The following SEMA5B variants were observed in gnomAD, a reference collection of about 807,000 sequenced individuals.
SEMA5B encodes the protein semaphorin-5B.
In SEMA5B, 66 loss-of-function variants were observed where a neutral mutation model predicts 135.0. The observed-to-expected ratio is 0.49, with a 90% CI of 0.40 to 0.60. The LOEUF (loss-of-function observed/expected upper bound fraction) is 0.60, where lower values mean the gene tolerates loss of function less well. Among genes scored for constraint, SEMA5B ranks in the 20% least tolerant of loss-of-function variants. The probability of loss-of-function intolerance (pLI) is 0.00; values close to 1 mark genes in which losing one functional copy is unlikely to be tolerated. For missense variants in SEMA5B, 1,501 were observed against 1,566.3 expected, an observed-to-expected ratio of 0.96 and a Z score of 0.70; for synonymous variants, 690 against 639.5, an observed-to-expected ratio of 1.08 and a Z score of -1.19.
chr3:122,910,536 G>A (rs998017965), intron 22 of SEMA5B, among the ~76,000 whole-genome samples: 3 of 152,108 alleles, frequency 2.0e-5, no homozygotes, highest in Non-Finnish European at 2.9e-5. Flanking sequence ...CCGGCCGGGC[G>A]CGGTGGCTCA....
chr3:122,922,540 A>G (rs898151233), intron 10 of SEMA5B, 93 bp from the exon 11 acceptor site: 3 of 1,173,650 alleles, frequency 2.6e-6, no homozygotes, highest in Admixed American at 2.1e-5. Flanking sequence ...AGGTGGCCAC[A>G]GCAGCGGACG....
At position 122,912,308 on chromosome 3, in the gene SEMA5B, A is replaced by G. The variant is rs1937772352; in HGVS notation, c.2760T>C (p.Ser920=). ...CCCCACCACAGGAAGCTGAGCATGG[A>G]GACCATGAGGTCCAGCAGGACCAAG... is the stretch of plus-strand genomic sequence containing the variant. ...RGAWSCWTSW[S]PCSASCGGGH... The change falls in exon 19 of 23, where the codon TCT becomes TCC. Residue 920 remains serine, a synonymous_variant. Coordinates refer to ENST00000357599, the MANE Select transcript of SEMA5B (RefSeq NM_001031702.4). 6.2e-7 allele frequency: 1 copy of G among 1,610,534 alleles called. No individual in the cohort carries two copies. The highest frequency in any genetic ancestry group is 8.5e-7 in the Non-Finnish European group (1 of 1,178,326).
chr3:122,965,730 C>T (rs941506311), intron 1 of SEMA5B, among the ~76,000 whole-genome samples: 4 of 152,240 alleles, frequency 2.6e-5, no homozygotes, highest in Non-Finnish European at 4.4e-5. Flanking sequence ...TACCCTAAAA[C>T]CTCTTCTCTC....
At chr3:122,935,693 T>C (rs1228617223) in intron 5 of SEMA5B, among the ~76,000 whole-genome samples, 3 of 108,636 alleles carry the variant, frequency 2.8e-5, no homozygotes, top group South Asian at 3.7e-4. Context: ...TTTCTTTTTT[T>C]TTTTTTTTTT....
chr3:122,984,886 GA>G (rs1411613313), intron 1 of SEMA5B, among the ~76,000 whole-genome samples: 1 of 152,046 alleles, frequency 6.6e-6, no homozygotes, highest in Non-Finnish European at 1.5e-5. Context: ...AATCACAGGG[GA>G]AAAAAATAAT....
Position 122,913,001 on chromosome 3 carries a change from C to T in SEMA5B, c.2567G>A (p.Trp856Ter), listed in dbSNP as rs527846680. 6.2e-7 allele frequency: 1 copy of T among 1,605,984 alleles called. No homozygotes were observed. The highest frequency in any genetic ancestry group is 8.5e-7 in the Non-Finnish European group (1 of 1,176,492). ...STSPHTVSGGWAAWGPWSSCS... is the reference protein window; with the variant it reads ...STSPHTVSGG ...GGACGACCACGGGCCCCAGGCGGCC[C>T]AGCCCCCGCTCACCGTGTGCGGGGA... The change falls in exon 18 of 23, where the codon TGG becomes TAG. Residue 856 changes from tryptophan to a stop codon, truncating the protein, a stop_gained. Transcript: ENST00000357599. LOFTEE classifies it high-confidence loss of function.
intron 3 of SEMA5B, among the ~76,000 whole-genome samples, chr3:122,944,829 G>C (rs1182311303): frequency 6.6e-6 from 1 of 152,172 alleles, no homozygotes; most frequent in Admixed American, 6.5e-5. Context: ...GCCTATGCAT[G>C]ACCCATGGAT....
chr3:122,938,408 C>CT (rs1245432158), intron 5 of SEMA5B, among the ~76,000 whole-genome samples: 1 of 152,152 alleles, frequency 6.6e-6, no homozygotes, highest in Non-Finnish European at 1.5e-5. Flanking sequence ...AGATTTTCTG[C>CT]TTCCTTATAC....
At chr3:122,966,151 ACT>A (rs1478837223) in intron 1 of SEMA5B, among the ~76,000 whole-genome samples, 1 of 151,506 alleles carries the variant, frequency 6.6e-6, no homozygotes, top group Non-Finnish European at 1.5e-5. Context: ...TGCCCCCCAC[ACT>A]CTTATTTGGC....
chr3:122,925,541 G>T (rs1938582280), intron 9 of SEMA5B, among the ~76,000 whole-genome samples: 1 of 152,008 alleles, frequency 6.6e-6, no homozygotes, highest in Non-Finnish European at 1.5e-5. Flanking sequence ...GGTGCCACGT[G>T]CCTGTAGTCC....
intron 12 of SEMA5B, among the ~76,000 whole-genome samples, chr3:122,916,876 T>C (rs955486090): frequency 6.6e-6 from 1 of 152,186 alleles, no homozygotes; most frequent in Non-Finnish European, 1.5e-5. Context: ...AGGGCTGGTC[T>C]CTCTACAGTG....
chr3:122,948,875 A>C (rs1939923627), intron 2 of SEMA5B, among the ~76,000 whole-genome samples, 166 bp from the exon 3 acceptor site: 1 of 152,132 alleles, frequency 6.6e-6, no homozygotes, highest in Non-Finnish European at 1.5e-5. Context: ...GATATAGATC[A>C]CTCCCTGAAA....
chr3:122,981,662 A>C (rs1941524740), intron 1 of SEMA5B, among the ~76,000 whole-genome samples: 1 of 152,242 alleles, frequency 6.6e-6, no homozygotes. Context: ...TCACACAGGC[A>C]GAGCTTGAAC....
At chr3:122,982,739 G>A (rs1941560894) in intron 1 of SEMA5B, among the ~76,000 whole-genome samples, 1 of 151,902 alleles carries the variant, frequency 6.6e-6, no homozygotes, top group Non-Finnish European at 1.5e-5. Flanking sequence ...AGAGTCCCAT[G>A]GAAACCACAC....
chr3:122,928,661 G>A (rs370808032), intron 6 of SEMA5B, 46 bp from the exon 7 acceptor site: 21 of 1,362,958 alleles, frequency 1.5e-5, no homozygotes, highest in Admixed American at 2.0e-5. Flanking sequence ...CTCCAGGTGC[G>A]ATGCTGGATA....
At chr3:123,028,286 C>T (rs1942856713), upstream of SEMA5B, among the ~76,000 whole-genome samples, 1 of 152,176 alleles carries the variant, frequency 6.6e-6, no homozygotes, top group South Asian at 2.1e-4. Flanking sequence ...GGGGGAGAGC[C>T]GTTATAACCT....
At position 122,913,075 on chromosome 3, in the gene SEMA5B, A is replaced by G. The variant is rs1462377471; in HGVS notation, c.2507-14T>C. 2.1e-6 allele frequency: 3 copies of G among 1,446,022 alleles called. No individual in the cohort carries two copies. The highest frequency in any genetic ancestry group is 2.7e-6 in the Non-Finnish European group (3 of 1,104,666). The allele number at this position is 1,446,022 out of a possible 1,614,324, so 89.6% of individuals were successfully genotyped here. A position where few individuals can be genotyped will look rare whatever the true frequency, so the allele number is the denominator to read the frequency against. On this transcript the variant is annotated splice_polypyrimidine_tract_variant and intron_variant, in intron 17 of 22. Transcript: ENST00000357599. ...CCTCCACCAGGGCTGCGGAGGGGCT[A>G]GGCCTCAGCGACTGGGCGCCCGGCC...
chr3:122,948,852 T>C (rs1183682274), intron 2 of SEMA5B, 143 bp from the exon 3 acceptor site: 2 of 659,208 alleles, frequency 3.0e-6, no homozygotes, highest in African/African-American at 1.8e-5. Flanking sequence ...TGCTCTGCTC[T>C]AGTAAATGCG....
chr3:122,929,000 G>A lies in SEMA5B; in HGVS notation c.533C>T (p.Thr178Ile), dbSNP rs779927679. Residue 178 changes from threonine to isoleucine, a missense_variant, in exon 6 of 23, where the codon ACT becomes ATT. Transcript: ENST00000357599. ...TRRSCQSKGKTEEECQNYVRV... is the reference protein window; with the variant it reads ...TRRSCQSKGKIEEECQNYVRV... ...TGGACCGCCGAGACCACGTACCTCAGTCTTCCCTTTGCTTTGGCAGGAGCG... is the reference window on the plus strand; with the variant it reads ...TGGACCGCCGAGACCACGTACCTCAATCTTCCCTTTGCTTTGGCAGGAGCG... 1.9e-6 allele frequency: 3 copies of A among 1,612,396 alleles called. No individual in the cohort carries two copies. Among genetic ancestry groups the A allele is most frequent in the Non-Finnish European group, 2.5e-6 (3 of 1,180,008 alleles).
Sources: gnomAD v4.1 joint callset for allele counts (sites outside exome capture counted in the v4.1 genomes callset) on GRCh38, gnomAD v4.1.1 for gene constraint, MANE v1.5 for transcripts, NCBI Gene and HGNC (gene_info 2026-07-23, HGNC 2026-07-21) for gene names.